KITLG: variants seen among roughly 807,000 people sequenced by gnomAD.
KITLG encodes KIT ligand, also known as c-Kit ligand.
KITLG carries 13 observed loss-of-function variants against 34.1 expected under a neutral mutation model. The observed-to-expected ratio is 0.38, with a 90% CI of 0.25 to 0.61. KITLG has a LOEUF of 0.61. Among genes scored for constraint, KITLG ranks in the 20% least tolerant of loss-of-function variants. The probability of loss-of-function intolerance (pLI) is 0.60; values close to 1 mark genes in which losing one functional copy is unlikely to be tolerated. For missense variants in KITLG, 292 were observed against 318.9 expected (o/e 0.92, Z 0.64); for synonymous variants, 110 against 104.0 (o/e 1.06, Z -0.35).
intron 2 of KITLG, among the ~76,000 whole-genome samples, chr12:88,537,193 T>C (rs1244977395): frequency 6.6e-6 from 1 of 152,052 alleles, no homozygotes; most frequent in Non-Finnish European, 1.5e-5. Flanking sequence ...ATCACAGTAC[T>C]ATTCGCAATA....
intron 6 of KITLG, among the ~76,000 whole-genome samples, chr12:88,508,817 T>C (rs959180879): frequency 6.6e-6 from 1 of 152,162 alleles, no homozygotes; most frequent in African/African-American, 2.4e-5. Flanking sequence ...TGGGATTTGG[T>C]ATAATTAAAG....
chr12:88,515,745 C>T (rs1388062312), intron 5 of KITLG, 128 bp from the exon 6 acceptor site: 3 of 697,238 alleles, frequency 4.3e-6, no homozygotes, highest in Admixed American at 2.0e-5. Flanking sequence ...TATTCAGATC[C>T]TATTTATTTC....
At chr12:88,558,609 T>C (rs1038389261) in intron 1 of KITLG, among the ~76,000 whole-genome samples, 23 of 152,202 alleles carry the variant, frequency 1.5e-4, no homozygotes, top group African/African-American at 5.3e-4. Context: ...ACTGAAGGTG[T>C]TCCAACTGAA....
intron 2 of KITLG, among the ~76,000 whole-genome samples, chr12:88,534,092 T>C (rs1174714515): frequency 6.6e-6 from 1 of 152,142 alleles, no homozygotes; most frequent in Non-Finnish European, 1.5e-5. Flanking sequence ...ATTATTACAA[T>C]TTATCCTCAG....
chr12:88,534,847 C>T (rs779602715), intron 2 of KITLG: 8 of 349,892 alleles, frequency 2.3e-5, no homozygotes, highest in South Asian at 9.0e-5. Context: ...AAGGAAAAAG[C>T]GTCTAGTCAT....
chr12:88,526,825 C>T (rs1869886099), intron 3 of KITLG, among the ~76,000 whole-genome samples: 1 of 148,882 alleles, frequency 6.7e-6, no homozygotes, highest in Non-Finnish European at 1.5e-5. Flanking sequence ...CGATAAAGGA[C>T]TGAAAAAGGA....
intron 1 of KITLG, among the ~76,000 whole-genome samples, chr12:88,574,249 T>A (rs1450411078): frequency 6.8e-6 from 1 of 147,858 alleles, no homozygotes; most frequent in East Asian, 2.0e-4. Flanking sequence ...AATATTCTCA[T>A]GTCAACAAGA....
intron 1 of KITLG, among the ~76,000 whole-genome samples, chr12:88,572,595 T>TATATATATATATATATATA (rs1555258293): frequency 7.4e-6 from 1 of 134,930 alleles, no homozygotes; most frequent in African/African-American, 2.7e-5. Flanking sequence ...ATATACATTA[T>TATATATATATATATATATA]TATATATATA....
intron 1 of KITLG, among the ~76,000 whole-genome samples, chr12:88,574,373 C>T (rs1871762553): frequency 6.6e-6 from 1 of 152,068 alleles, no homozygotes; most frequent in African/African-American, 2.4e-5. Context: ...AGGAGGTAAG[C>T]AAGCACTGTT....
intron 2 of KITLG, among the ~76,000 whole-genome samples, chr12:88,536,573 T>G (rs1228472757): frequency 6.6e-6 from 1 of 152,146 alleles, no homozygotes; most frequent in Non-Finnish European, 1.5e-5. Context: ...TAGCAAAGAC[T>G]TGGAACCAAC....
At chr12:88,569,867 C>T (rs961585009) in intron 1 of KITLG, among the ~76,000 whole-genome samples, 2 of 151,854 alleles carry the variant, frequency 1.3e-5, no homozygotes, top group African/African-American at 4.8e-5. Flanking sequence ...TAAAATCTTG[C>T]GATATTAATG....
rs532269679 is a variant in KITLG at position 88,519,599 on chromosome 12, TTTTA to T, written c.193-736_193-733del. On this transcript the variant is annotated intron_variant, in intron 3 of 9. Transcript: ENST00000644744. ...ATATCTCTGTGGGAAAAGTCAAGCC[TTTTA>T]TTTATTTATTTATTTATTTATGCTT... 3.3e-5 allele frequency among the ~76,000 whole-genome samples: 5 copies of T among 151,980 alleles called. No homozygotes were observed. In the East Asian group the frequency reaches 5.8e-4, roughly 18 times the overall value.
intron 1 of KITLG, among the ~76,000 whole-genome samples, chr12:88,554,699 T>C (rs1299248221): frequency 6.6e-6 from 1 of 152,222 alleles, no homozygotes; most frequent in Non-Finnish European, 1.5e-5. Flanking sequence ...CCTCATTTGG[T>C]GAATAACCAT....
intron 1 of KITLG, among the ~76,000 whole-genome samples, chr12:88,564,859 T>C (rs555849912): frequency 6.6e-6 from 1 of 152,340 alleles, no homozygotes; most frequent in East Asian, 1.9e-4. Flanking sequence ...TAAAAGTACA[T>C]GCAATATCTG....
chr12:88,527,206 C>T (rs1407391783), intron 3 of KITLG, among the ~76,000 whole-genome samples: 3 of 152,110 alleles, frequency 2.0e-5, no homozygotes, highest in South Asian at 2.1e-4. Context: ...GAAGCAGCTC[C>T]TTTTCCTGTT....
At chr12:88,578,244 G>A (rs1200979791) in intron 1 of KITLG, among the ~76,000 whole-genome samples, 1 of 151,864 alleles carries the variant, frequency 6.6e-6, no homozygotes, top group South Asian at 2.1e-4. Flanking sequence ...CTGTGGAATC[G>A]CTAGAAGTAT....
chr12:88,571,657 A>G (rs1449653375), intron 1 of KITLG, among the ~76,000 whole-genome samples: 2 of 152,164 alleles, frequency 1.3e-5, no homozygotes, highest in Non-Finnish European at 2.9e-5. Context: ...TCATTTCACA[A>G]CATTCCAAGT....
At chr12:88,519,036 A>AT (rs1299012870) in intron 3 of KITLG, among the ~76,000 whole-genome samples, 169 bp from the exon 4 acceptor site, 1 of 151,932 alleles carries the variant, frequency 6.6e-6, no homozygotes, top group Admixed American at 6.6e-5. Context: ...CTACTTTTTT[A>AT]TTTTTAGTAG....
chr12:88,513,473 C>A (rs1869353828), intron 6 of KITLG, among the ~76,000 whole-genome samples: 1 of 151,658 alleles, frequency 6.6e-6, no homozygotes, highest in African/African-American at 2.4e-5. Flanking sequence ...CTCTAATTAA[C>A]AATCAGAGAT....
Sources: allele counts gnomAD v4.1 joint callset (sites outside exome capture counted in the v4.1 genomes callset), GRCh38; gene constraint gnomAD v4.1.1; transcripts MANE v1.5; gene names NCBI Gene and HGNC (gene_info 2026-07-23, HGNC 2026-07-21).